Variants in UBR3 observed in about 807,000 individuals in gnomAD.
UBR3 encodes ubiquitin protein ligase E3 component n-recognin 3.
UBR3 carries 85 observed loss-of-function variants against 243.2 expected under a neutral mutation model. That is an observed-to-expected ratio of 0.35 (90% CI 0.29 to 0.42). The LOEUF is 0.42. Among genes scored for constraint, UBR3 ranks in the 10% least tolerant of loss-of-function variants. The pLI, the probability that UBR3 is intolerant of heterozygous loss-of-function variation, is 1.00. For missense variants in UBR3, 1,686 were observed against 2,300.8 expected, an observed-to-expected ratio of 0.73 and a Z score of 5.47; for synonymous variants, 748 against 799.8, an observed-to-expected ratio of 0.94 and a Z score of 1.09.
At chr2:169,905,862 A>G (rs1454278490) in intron 9 of UBR3, among the ~76,000 whole-genome samples, 169 bp from the exon 10 acceptor site, 1 of 152,228 alleles carries the variant, frequency 6.6e-6, no homozygotes, top group Non-Finnish European at 1.5e-5. Context: ...AAAAATTCTG[A>G]AAGGACTAGA....
intron 26 of UBR3, among the ~76,000 whole-genome samples, chr2:169,996,802 T>G (rs939385954): frequency 2.7e-5 from 4 of 149,404 alleles, no homozygotes; most frequent in African/African-American, 7.4e-5. Context: ...TGGGTTCAAA[T>G]GATTCCCCTG....
intron 19 of UBR3, among the ~76,000 whole-genome samples, chr2:169,940,551 G>A (rs1318696804): frequency 6.6e-6 from 1 of 152,164 alleles, no homozygotes; most frequent in African/African-American, 2.4e-5. Context: ...TCTAAGCGCT[G>A]TTAAAATTAT....
intron 24 of UBR3, among the ~76,000 whole-genome samples, chr2:169,974,754 T>TTATTTGAAATCTTTCTACTTTTTCAATG (rs1476181320): frequency 6.6e-6 from 1 of 152,208 alleles, no homozygotes; most frequent in East Asian, 1.9e-4. Context: ...ATTAGGTTGT[T>TTATTTGAAATCTTTCTACTTTTTCAATG]TATTTGAAAT....
chr2:169,964,987 G>A (rs370953019), intron 24 of UBR3: 7 of 456,334 alleles, frequency 1.5e-5, no homozygotes, highest in Non-Finnish European at 3.1e-5. Context: ...AAAGATTTAC[G>A]GGCATTTCAT....
intron 35 of UBR3, among the ~76,000 whole-genome samples, chr2:170,070,294 C>G (rs1264190975): frequency 6.6e-6 from 1 of 152,076 alleles, no homozygotes; most frequent in Non-Finnish European, 1.5e-5. Context: ...TTAACAAAAT[C>G]TAATGTACTT....
chr2:169,875,758 C>A, intron 2 of UBR3, 33 bp from the exon 3 acceptor site: 1 of 1,475,158 alleles, frequency 6.8e-7, no homozygotes, highest in Non-Finnish European at 9.0e-7. Context: ...ACAAAATTAC[C>A]CTTATTTGAT....
At chr2:169,992,347 G>C (rs1292302223) in intron 25 of UBR3, among the ~76,000 whole-genome samples, 2 of 152,170 alleles carry the variant, frequency 1.3e-5, no homozygotes, top group Non-Finnish European at 2.9e-5. Context: ...TAACACCAAT[G>C]CTTCTCAAAC....
rs140187301 is a variant in UBR3 at position 169,978,428 on chromosome 2, T to C, written c.3635-8217T>C. 6.5e-3 allele frequency among the ~76,000 whole-genome samples: 994 copies of C among 152,172 alleles called. 22 individuals carry two copies. Among genetic ancestry groups the C allele is most frequent in the Admixed American group, 0.043 (654 of 15,270 alleles). On this transcript the variant is annotated intron_variant, in intron 24 of 38. Transcript: ENST00000272793. ...GACTCTGAGGCACCTTCTAGCAGCT[T>C]GGATTCAGGGAGTTGGGTTGTTTAC...
At chr2:170,076,718 G>A (rs2091818030) in intron 36 of UBR3, among the ~76,000 whole-genome samples, 1 of 152,160 alleles carries the variant, frequency 6.6e-6, no homozygotes. Flanking sequence ...ACACCTCAAC[G>A]GATGATTGGA....
chr2:169,829,292 TAAAC>T (rs1573988603), intron 1 of UBR3, among the ~76,000 whole-genome samples: 1 of 152,168 alleles, frequency 6.6e-6, no homozygotes, highest in East Asian at 1.9e-4. Flanking sequence ...ATAAATTCCT[TAAAC>T]AATAACTTGG....
intron 1 of UBR3, among the ~76,000 whole-genome samples, chr2:169,855,355 T>A (rs999561588): frequency 6.6e-6 from 1 of 151,954 alleles, no homozygotes; most frequent in Non-Finnish European, 1.5e-5. Context: ...TTAATTTTTA[T>A]TTTTTTTAGT....
At chr2:169,863,262 G>A (rs1231848240) in intron 1 of UBR3, among the ~76,000 whole-genome samples, 1 of 152,010 alleles carries the variant, frequency 6.6e-6, no homozygotes, top group East Asian at 1.9e-4. Context: ...AGTTTCTGGG[G>A]GTAATGTTCT....
chr2:169,869,216 G>GTTTTTTT (rs11344991), intron 1 of UBR3, among the ~76,000 whole-genome samples: 13 of 56,208 alleles, frequency 2.3e-4, no homozygotes, highest in Admixed American at 3.4e-4. Flanking sequence ...GATTGATAAG[G>GTTTTTTT]TTTTTTTTTT....
At chr2:169,943,917 C>T (rs918713781) in intron 20 of UBR3, among the ~76,000 whole-genome samples, 1 of 151,916 alleles carries the variant, frequency 6.6e-6, no homozygotes, top group Non-Finnish European at 1.5e-5. Context: ...ACTTCTCTTC[C>T]TTTCAACCCT....
intron 19 of UBR3, among the ~76,000 whole-genome samples, chr2:169,933,771 T>G (rs6748166): frequency 6.6e-6 from 1 of 151,968 alleles, no homozygotes; most frequent in Admixed American, 6.6e-5. Flanking sequence ...TGCCAAGACT[T>G]TGCAGTAATA....
At chr2:170,072,335 C>T (rs1178413672) in intron 35 of UBR3, among the ~76,000 whole-genome samples, 1 of 151,668 alleles carries the variant, frequency 6.6e-6, no homozygotes, top group Non-Finnish European at 1.5e-5. Flanking sequence ...AAAAACCAAA[C>T]ACCGCATATT....
chr2:169,871,646 G>A (rs1482968905), intron 1 of UBR3, among the ~76,000 whole-genome samples: 1 of 149,084 alleles, frequency 6.7e-6, no homozygotes, highest in Non-Finnish European at 1.5e-5. Flanking sequence ...TACTTGGGAG[G>A]CTGAGGTGGG....
chr2:169,950,249 T>G (rs1433159475), intron 23 of UBR3, among the ~76,000 whole-genome samples, 184 bp downstream of exon 23: 1 of 152,110 alleles, frequency 6.6e-6, no homozygotes, highest in African/African-American at 2.4e-5. Context: ...AGTTTATTGA[T>G]GGACAGGTGA....
chr2:169,840,132 C>T (rs1376775393), intron 1 of UBR3, among the ~76,000 whole-genome samples: 4 of 152,102 alleles, frequency 2.6e-5, no homozygotes, highest in African/African-American at 9.7e-5. Flanking sequence ...CTGCTTTTAG[C>T]TTCCCTATCT....
Sources: gnomAD v4.1 joint callset for allele counts (sites outside exome capture counted in the v4.1 genomes callset) on GRCh38, gnomAD v4.1.1 for gene constraint, MANE v1.5 for transcripts, NCBI Gene and HGNC (gene_info 2026-07-23, HGNC 2026-07-21) for gene names.